Variants in ARFGEF3 observed in about 807,000 individuals in gnomAD.
The protein encoded by ARFGEF3 is ARFGEF family member 3, also known as brefeldin A-inhibited guanine nucleotide-exchange protein 3.
A neutral mutation model predicts 221.7 loss-of-function variants in ARFGEF3; 96 were observed. The ratio of observed to expected loss-of-function variants is 0.43; its 90% CI spans 0.37 to 0.51. The LOEUF is 0.51. Among genes scored for constraint, ARFGEF3 ranks in the 20% least tolerant of loss-of-function variants. The probability of loss-of-function intolerance (pLI) is 0.00; values close to 1 mark genes in which losing one functional copy is unlikely to be tolerated. For missense variants in ARFGEF3, 2,410 were observed against 2,789.9 expected (o/e 0.86, Z 3.07); for synonymous variants, 1,145 against 1,126.8 (o/e 1.02, Z -0.32).
Position 138,291,194 on chromosome 6 carries a change from C to G in ARFGEF3, c.3048-539C>G, listed in dbSNP as rs921816257. Among the ~76,000 whole-genome samples, 1 of 152,180 alleles carries G rather than the reference C, an allele frequency of 6.6e-6. No individual in the cohort carries two copies. Among genetic ancestry groups the G allele is most frequent in the Non-Finnish European group, 1.5e-5 (1 of 68,032 alleles). Reference sequence around the variant, plus strand: ...ATAATTCGGTGACTGCCCTCCCACCCGGCCGCCACCCACCCCACCCAGACT... The same window carrying G: ...ATAATTCGGTGACTGCCCTCCCACCGGGCCGCCACCCACCCCACCCAGACT... On this transcript the variant is annotated intron_variant, in intron 18 of 33. Transcript: ENST00000251691. The surrounding 1 kb of genome is among the most constrained non-coding windows in gnomAD (Gnocchi z 4.5).
rs1242963439 is a variant in ARFGEF3 at position 138,196,320 on chromosome 6, A to G, written c.138-10722A>G. ...ATAGAGTGTGCTTACACAAACCTAG[A>G]TGATACAGTCTACTATACACCTAGG... On this transcript the variant is annotated intron_variant, in intron 2 of 33. Coordinates refer to ENST00000251691, the MANE Select transcript of ARFGEF3 (RefSeq NM_020340.5). 3.9e-5 allele frequency among the ~76,000 whole-genome samples: 6 copies of G among 152,366 alleles called. No individual in the cohort carries two copies. The East Asian group carries it at 7.7e-4, about 20-fold the overall frequency.
intron 5 of ARFGEF3, among the ~76,000 whole-genome samples, chr6:138,231,042 G>A (rs962812484): frequency 1.6e-4 from 24 of 152,164 alleles, no homozygotes; most frequent in African/African-American, 5.3e-4. Context: ...TGATGGAACT[G>A]GGGGGAAGGG....
At chr6:138,208,503 A>G (rs1777664367) in intron 3 of ARFGEF3, among the ~76,000 whole-genome samples, 1 of 152,160 alleles carries the variant, frequency 6.6e-6, no homozygotes, top group Non-Finnish European at 1.5e-5. Context: ...ATTACACTGG[A>G]TGGATCAGAA....
chr6:138,197,237 T>C (rs1777445555), intron 2 of ARFGEF3, among the ~76,000 whole-genome samples: 1 of 152,218 alleles, frequency 6.6e-6, no homozygotes, highest in African/African-American at 2.4e-5. Flanking sequence ...GTCACTGTCT[T>C]CCACCTCCAT....
Position 138,209,948 on chromosome 6 carries a change from A to G in ARFGEF3, c.258A>G (p.Thr86=). The change falls in exon 4 of 34, where the codon ACA becomes ACG. Residue 86 remains threonine, a synonymous_variant. Transcript: ENST00000251691. ...LSEERFVSME[T]DSDEKQLLNQ... is the part of the protein sequence containing the mutation. ...AAGAGAGGTTTGTATCCATGGAAAC[A>G]GATTCTGATGAGAAGCAGCTGCTCA... 1.2e-6 allele frequency: 2 copies of G among 1,613,914 alleles called. No individual in the cohort carries two copies. The highest frequency in any genetic ancestry group is 1.7e-6 in the Non-Finnish European group (2 of 1,179,826).
chr6:138,220,748 C>T (rs1338113356), intron 4 of ARFGEF3, among the ~76,000 whole-genome samples: 1 of 152,108 alleles, frequency 6.6e-6, no homozygotes. Flanking sequence ...TTTCTTTTTC[C>T]CATCTTAATC....
chr6:138,185,426 C>T (rs1777163638), intron 2 of ARFGEF3, among the ~76,000 whole-genome samples: 1 of 152,166 alleles, frequency 6.6e-6, no homozygotes, highest in African/African-American at 2.4e-5. Flanking sequence ...TGCACCCTCC[C>T]TAAAGGAATG....
At chr6:138,184,654 G>A (rs1777147957) in intron 2 of ARFGEF3, among the ~76,000 whole-genome samples, 1 of 152,228 alleles carries the variant, frequency 6.6e-6, no homozygotes, top group Non-Finnish European at 1.5e-5. Context: ...ACTTGACTAT[G>A]GCAGTCTTAA....
chr6:138,247,852 G>A (rs150452730), intron 8 of ARFGEF3, among the ~76,000 whole-genome samples: 1 of 152,346 alleles, frequency 6.6e-6, no homozygotes, highest in East Asian at 1.9e-4. Context: ...ATGCCCATCA[G>A]CCAAAGAGCT....
chr6:138,327,993 T>C, intron 31 of ARFGEF3, 28 bp from the exon 32 acceptor site: 1 of 1,547,182 alleles, frequency 6.5e-7, no homozygotes, highest in Non-Finnish European at 8.7e-7. Context: ...ACTGGAGTTC[T>C]GAAATGTACC....
At chr6:138,207,914 A>C (rs1777653122) in intron 3 of ARFGEF3, among the ~76,000 whole-genome samples, 2 of 152,222 alleles carry the variant, frequency 1.3e-5, no homozygotes, top group Non-Finnish European at 2.9e-5. Context: ...AAAACCTATG[A>C]AATAGTGAGA....
intron 5 of ARFGEF3, among the ~76,000 whole-genome samples, chr6:138,232,489 T>C (rs1158496480): frequency 1.3e-5 from 2 of 152,110 alleles, no homozygotes; most frequent in Admixed American, 1.3e-4. Context: ...GCGGAAGGCT[T>C]CTCTGTGGGA....
At chr6:138,316,191 A>G (rs1779922890) in intron 26 of ARFGEF3, among the ~76,000 whole-genome samples, 1 of 152,118 alleles carries the variant, frequency 6.6e-6, no homozygotes, top group Non-Finnish European at 1.5e-5. Flanking sequence ...TCCATCCAGC[A>G]CCTATCTAAG....
At chr6:138,220,412 ATTT>A (rs1181868677) in intron 4 of ARFGEF3, among the ~76,000 whole-genome samples, 2 of 152,108 alleles carry the variant, frequency 1.3e-5, no homozygotes, top group East Asian at 1.9e-4. Flanking sequence ...ATAATTAAGA[ATTT>A]TTTATTTTTA....
chr6:138,163,134 C>G (rs1776651395), intron 1 of ARFGEF3, among the ~76,000 whole-genome samples: 1 of 152,160 alleles, frequency 6.6e-6, no homozygotes, highest in East Asian at 1.9e-4. Flanking sequence ...AGAGAAGAGC[C>G]TTTAGCAGGT....
intron 12 of ARFGEF3, among the ~76,000 whole-genome samples, chr6:138,265,883 G>A (rs560059445): frequency 1.1e-3 from 173 of 151,864 alleles, no homozygotes; most frequent in Non-Finnish European, 2.2e-3. Context: ...GAGACTATAC[G>A]CACCACCACA....
intron 5 of ARFGEF3, 76 bp from the exon 6 acceptor site, chr6:138,238,433 C>G (rs1778334503): frequency 1.1e-5 from 17 of 1,489,598 alleles, no homozygotes; most frequent in African/African-American, 2.8e-5. Flanking sequence ...GATATCCTCT[C>G]TGGTCAATCC....
chr6:138,163,036 G>GA (rs904338636), intron 1 of ARFGEF3, among the ~76,000 whole-genome samples: 1 of 152,266 alleles, frequency 6.6e-6, no homozygotes, highest in African/African-American at 2.4e-5. Context: ...CCACTCAATT[G>GA]AAAAATGAAA....
At chr6:138,239,407 G>C (rs1347476548) in intron 6 of ARFGEF3, among the ~76,000 whole-genome samples, 1 of 152,052 alleles carries the variant, frequency 6.6e-6, no homozygotes, top group African/African-American at 2.4e-5. Context: ...CAGCACTTTG[G>C]GAGGCCGAGG....
Sources: gnomAD v4.1 joint callset for allele counts (sites outside exome capture counted in the v4.1 genomes callset) on GRCh38, gnomAD v4.1.1 for gene constraint, Gnocchi (gnomAD v3.1) non-coding constraint, MANE v1.5 for transcripts, NCBI Gene and HGNC (gene_info 2026-07-23, HGNC 2026-07-21) for gene names.